ASTN2: variants seen among roughly 807,000 people sequenced by gnomAD.
The protein encoded by ASTN2 is astrotactin 2, also known as astrotactin-2.
ASTN2 carries 54 observed loss-of-function variants against 139.8 expected under a neutral mutation model. That is an observed-to-expected ratio of 0.39 (90% CI 0.31 to 0.48). The LOEUF is 0.48. Among genes scored for constraint, ASTN2 ranks in the 20% least tolerant of loss-of-function variants. ASTN2 has a pLI of 0.95. For missense variants in ASTN2, 1,565 were observed against 1,725.1 expected, an observed-to-expected ratio of 0.91 and a Z score of 1.64; for synonymous variants, 756 against 719.5, an observed-to-expected ratio of 1.05 and a Z score of -0.81.
At chr9:117,126,879 T>G (rs1168418953) in intron 4 of ASTN2, among the ~76,000 whole-genome samples, 1 of 152,236 alleles carries the variant, frequency 6.6e-6, no homozygotes, top group East Asian at 1.9e-4. Context: ...CTGAGCATAG[T>G]GTCTTACACT....
intron 12 of ASTN2, among the ~76,000 whole-genome samples, chr9:116,809,981 T>A (rs567673003): frequency 6.6e-6 from 1 of 152,184 alleles, no homozygotes; most frequent in Non-Finnish European, 1.5e-5. Flanking sequence ...AAGCTGCCTC[T>A]TCCCTTGTTA....
At chr9:116,645,988 T>C (rs888683699) in intron 17 of ASTN2, among the ~76,000 whole-genome samples, 8 of 152,216 alleles carry the variant, frequency 5.3e-5, no homozygotes, top group Non-Finnish European at 1.2e-4. Flanking sequence ...CATTCGTCTG[T>C]TAAGTGATTT....
chr9:117,381,730 T>C (rs1269662673), intron 1 of ASTN2, among the ~76,000 whole-genome samples: 1 of 152,172 alleles, frequency 6.6e-6, no homozygotes, highest in East Asian at 1.9e-4. Flanking sequence ...TATTTCTTTA[T>C]AGCAATGTGT....
chr9:116,454,326 G>A (rs529187861), intron 20 of ASTN2, among the ~76,000 whole-genome samples: 1 of 152,174 alleles, frequency 6.6e-6, no homozygotes, highest in South Asian at 2.1e-4. Flanking sequence ...AGATAATAGA[G>A]ATATCTATTT....
At chr9:117,357,928 T>C (rs1156336246) in intron 1 of ASTN2, among the ~76,000 whole-genome samples, 1 of 152,182 alleles carries the variant, frequency 6.6e-6, no homozygotes, top group Non-Finnish European at 1.5e-5. Flanking sequence ...AGCTAAATCA[T>C]AAATTTTTGT....
intron 1 of ASTN2, among the ~76,000 whole-genome samples, chr9:117,348,529 G>C (rs1829293332): frequency 1.3e-5 from 2 of 152,108 alleles, no homozygotes; most frequent in South Asian, 4.1e-4. Flanking sequence ...AAGAGAAATG[G>C]ATCTATTTAC....
chr9:116,672,743 C>T (rs1317881484), intron 16 of ASTN2, among the ~76,000 whole-genome samples: 3 of 152,140 alleles, frequency 2.0e-5, no homozygotes, highest in Admixed American at 6.5e-5. Context: ...TTGTCAGTTG[C>T]AAAAAGATAC....
chr9:116,743,525 C>A (rs1459104279), intron 13 of ASTN2, among the ~76,000 whole-genome samples: 1 of 152,078 alleles, frequency 6.6e-6, no homozygotes, highest in Non-Finnish European at 1.5e-5. Context: ...CCGCTGCACT[C>A]CAGTGAGACG....
intron 7 of ASTN2, among the ~76,000 whole-genome samples, chr9:117,006,906 G>A (rs1837368832): frequency 6.6e-6 from 1 of 152,072 alleles, no homozygotes; most frequent in Admixed American, 6.6e-5. Context: ...CATGAAGTCA[G>A]GAGTTCAAGA....
At chr9:116,777,807 G>A (rs1830120731) in intron 13 of ASTN2, among the ~76,000 whole-genome samples, 1 of 152,010 alleles carries the variant, frequency 6.6e-6, no homozygotes, top group Non-Finnish European at 1.5e-5. Flanking sequence ...TGAAGTTCCT[G>A]GGAAATGAAG....
intron 1 of ASTN2, among the ~76,000 whole-genome samples, chr9:117,402,329 G>A (rs920108018): frequency 2.0e-5 from 3 of 152,146 alleles, no homozygotes; most frequent in Non-Finnish European, 4.4e-5. Flanking sequence ...CGCCTCCAAA[G>A]AGCTGGGATT....
chr9:117,309,240 C>T (rs1827888430), intron 1 of ASTN2, among the ~76,000 whole-genome samples: 1 of 152,232 alleles, frequency 6.6e-6, no homozygotes, highest in African/African-American at 2.4e-5. Flanking sequence ...TGGCCTAAGC[C>T]ATTCCTTTTA....
chr9:117,383,471 C>T (rs1830321112), intron 1 of ASTN2, among the ~76,000 whole-genome samples: 1 of 151,936 alleles, frequency 6.6e-6, no homozygotes, highest in Non-Finnish European at 1.5e-5. Context: ...TGAGTGTTTA[C>T]ATTTCATTGC....
intron 13 of ASTN2, among the ~76,000 whole-genome samples, chr9:116,745,428 T>C (rs1197399097): frequency 6.6e-6 from 1 of 152,190 alleles, no homozygotes; most frequent in African/African-American, 2.4e-5. Flanking sequence ...TGTCGTCTCC[T>C]TCAGGAAGCT....
At chr9:117,338,221 C>G (rs1828949587) in intron 1 of ASTN2, among the ~76,000 whole-genome samples, 1 of 152,086 alleles carries the variant, frequency 6.6e-6, no homozygotes, top group African/African-American at 2.4e-5. Context: ...ATTTTCTACT[C>G]AAATTACTAT....
chr9:116,781,605 A>G (rs1830219838), intron 13 of ASTN2, among the ~76,000 whole-genome samples: 1 of 152,162 alleles, frequency 6.6e-6, no homozygotes, highest in African/African-American at 2.4e-5. Flanking sequence ...GTTTAATTAG[A>G]ACTGTTATTA....
intron 6 of ASTN2, among the ~76,000 whole-genome samples, chr9:117,026,908 A>G (rs1276163438): frequency 7.5e-6 from 1 of 132,554 alleles, no homozygotes; most frequent in East Asian, 2.5e-4. Context: ...CAGATGCACA[A>G]ACGAGGCTTA....
At chr9:117,029,535 T>C (rs1588494300) in intron 6 of ASTN2, among the ~76,000 whole-genome samples, 2 of 152,072 alleles carry the variant, frequency 1.3e-5, no homozygotes, top group Non-Finnish European at 2.9e-5. Flanking sequence ...TCATTCACAC[T>C]GAGTCATCAT....
intron 10 of ASTN2, among the ~76,000 whole-genome samples, chr9:116,901,852 ACC>A (rs1202369672): frequency 1.3e-5 from 2 of 152,074 alleles, no homozygotes; most frequent in African/African-American, 4.8e-5. Context: ...ACATGGTGAA[ACC>A]CTGTCTCTAT....
Sources: allele counts gnomAD v4.1 joint callset (sites outside exome capture counted in the v4.1 genomes callset), GRCh38; gene constraint gnomAD v4.1.1; transcripts MANE v1.5; gene names NCBI Gene and HGNC (gene_info 2026-07-23, HGNC 2026-07-21).